The following ATR variants were observed in gnomAD, a reference collection of about 807,000 sequenced individuals.
The protein encoded by ATR is serine/threonine-protein kinase ATR.
In ATR, 142 loss-of-function variants were observed where a neutral mutation model predicts 305.3. The ratio of observed to expected loss-of-function variants is 0.47; its 90% CI spans 0.41 to 0.53. ATR has a LOEUF of 0.53. ATR is among the 20% of genes least tolerant of loss of function. The probability of loss-of-function intolerance (pLI) is 0.00; values close to 1 mark genes in which losing one functional copy is unlikely to be tolerated. For synonymous variants in ATR, 1,050 were observed against 1,068.1 expected (o/e 0.98, Z 0.33); for missense variants, 2,135 against 3,133.1 (o/e 0.68, Z 7.60).
chr3:142,474,618 T>C (rs1362832243), intron 36 of ATR, among the ~76,000 whole-genome samples: 2 of 152,228 alleles, frequency 1.3e-5, no homozygotes, highest in South Asian at 2.1e-4. Context: ...TTTGTTCTAA[T>C]AGTCTTTTAT....
At chr3:142,451,683 G>A in intron 46 of ATR, 1 of 1,198,082 alleles carries the variant, frequency 8.3e-7, no homozygotes, top group Middle Eastern at 3.3e-4. Context: ...GGGGTCAAGT[G>A]ATCCTCCCAC....
intron 8 of ATR, among the ~76,000 whole-genome samples, chr3:142,558,079 G>T (rs1275767492): frequency 6.6e-6 from 1 of 152,166 alleles, no homozygotes; most frequent in Non-Finnish European, 1.5e-5. Context: ...TTTACAAAAA[G>T]AAAGGAAATG....
intron 2 of ATR, 139 bp from the exon 3 acceptor site, chr3:142,566,400 C>T (rs2035073198): frequency 1.1e-6 from 1 of 915,052 alleles, no homozygotes. Context: ...GGGCGGATCA[C>T]CTGAGCCCAG....
At chr3:142,538,661 A>G in intron 18 of ATR, 36 bp from the exon 19 acceptor site, 1 of 1,610,830 alleles carries the variant, frequency 6.2e-7, no homozygotes. Context: ...AAGTCCAATT[A>G]CTTTTATTAT....
At chr3:142,486,959 C>CAAAAA (rs60024459) in intron 35 of ATR, among the ~76,000 whole-genome samples, 37 of 69,698 alleles carry the variant, frequency 5.3e-4, no homozygotes, top group South Asian at 1.3e-3. Context: ...ACTAAAAATA[C>CAAAAA]AAAAAAAAAA....
chr3:142,451,116 T>A, intron 46 of ATR: 4 of 1,264,822 alleles, frequency 3.2e-6, no homozygotes, highest in South Asian at 2.9e-5. Context: ...CCCCTGCTGC[T>A]CAGGTGTAAT....
intron 39 of ATR, among the ~76,000 whole-genome samples, chr3:142,467,111 A>G (rs2071148356): frequency 6.6e-6 from 1 of 152,296 alleles, no homozygotes; most frequent in African/African-American, 2.4e-5. Flanking sequence ...TGATAAAGGA[A>G]AGGTGAGAAA....
Position 142,522,835 on chromosome 3 carries a change from C to T in ATR, c.4159G>A (p.Val1387Ile), listed in dbSNP as rs2108396227. ...QGKDFTFVTG[V>I]EDSSFAYGLL... The stretch of plus-strand genomic sequence containing the variant: ...CCATAGGCAAAGCTTGAATCTTCTA[C>T]TCCAGTCTCAATCAGAAAAAAAAAA... Residue 1387 changes from valine to isoleucine, a missense_variant, in exon 23 of 47, where the codon GTA becomes ATA. Coordinates refer to ENST00000350721, the MANE Select transcript of ATR (RefSeq NM_001184.4). 1 of 1,605,746 alleles carries T rather than the reference C, an allele frequency of 6.2e-7. No individual in the cohort carries two copies.
At chr3:142,571,500 TAAATA>T (rs1398005953) in intron 1 of ATR, among the ~76,000 whole-genome samples, 2 of 144,794 alleles carry the variant, frequency 1.4e-5, no homozygotes, top group African/African-American at 5.5e-5. Flanking sequence ...AATAAATAAA[TAAATA>T]AATAATCAAA....
At chr3:142,575,380 A>C (rs1448445241) in intron 1 of ATR, among the ~76,000 whole-genome samples, 1 of 150,886 alleles carries the variant, frequency 6.6e-6, no homozygotes, top group Non-Finnish European at 1.5e-5. Context: ...CAGGAAAGGG[A>C]GGCTGAGACA....
At chr3:142,565,779 AAAC>A (rs2035051232) in intron 3 of ATR, among the ~76,000 whole-genome samples, 1 of 149,368 alleles carries the variant, frequency 6.7e-6, no homozygotes, top group Non-Finnish European at 1.5e-5. Flanking sequence ...CAAAACACCA[AAAC>A]TTTGTTCACA....
chr3:142,507,926 C>T lies in ATR; in HGVS notation c.5031+5G>A. On this transcript the variant is annotated splice_donor_5th_base_variant and intron_variant, in intron 28 of 46. Transcript: ENST00000350721. ...ATTATTAAATTCACTATATTAACTT[C>T]AGACCTGTAAAAATCCAAGATGTTC... 1 of 1,585,928 alleles carries T rather than the reference C, an allele frequency of 6.3e-7. No homozygotes were observed. Among genetic ancestry groups the T allele is most frequent in the Non-Finnish European group, 8.7e-7 (1 of 1,154,650 alleles).
intron 28 of ATR, among the ~76,000 whole-genome samples, chr3:142,505,663 T>A (rs2032199277): frequency 6.6e-6 from 1 of 152,182 alleles, no homozygotes; most frequent in South Asian, 2.1e-4. Flanking sequence ...AAAATGTAAA[T>A]AACCATTTTA....
rs141644744 is a variant in ATR at position 142,477,448 on chromosome 3, C to G, written c.6222-7265G>C. On this transcript the variant is annotated intron_variant, in intron 36 of 46. Transcript: ENST00000350721. The stretch of plus-strand genomic sequence containing the variant: ...TACATCCCAGGGATGAAGCCCACTT[C>G]ATCATGGTGGATAAGCTTTTTGATG... Among the ~76,000 whole-genome samples the G allele has an allele frequency of 9.3e-3, 1,422 of 152,206 alleles. 20 individuals carry two copies. The highest frequency in any genetic ancestry group is 0.031 in the African/African-American group (1,284 of 41,544).
chr3:142,553,625 T>C lies in ATR; in HGVS notation c.2633+15A>G. Reference sequence around the variant, plus strand: ...CAAAATAAATAAGGAAGAACACAAATGCTGCCAAGTATACCTTCCAATATC... The same window carrying C: ...CAAAATAAATAAGGAAGAACACAAACGCTGCCAAGTATACCTTCCAATATC... On this transcript the variant is annotated intron_variant, in intron 12 of 46. Transcript: ENST00000350721. 1 of 1,581,046 alleles carries C rather than the reference T, an allele frequency of 6.3e-7. No individual in the cohort carries two copies. Among genetic ancestry groups the C allele is most frequent in the Non-Finnish European group, 8.7e-7 (1 of 1,153,508 alleles).
intron 1 of ATR, among the ~76,000 whole-genome samples, chr3:142,576,727 T>C (rs1230289473): frequency 6.6e-6 from 1 of 152,172 alleles, no homozygotes; most frequent in Admixed American, 6.5e-5. Flanking sequence ...ATAGAAGACA[T>C]GATTTGGAGA....
At position 142,566,246 on chromosome 3, in the gene ATR, A is replaced by C. The variant is rs1482462998; in HGVS notation, c.167T>G (p.Val56Gly). The C allele has an allele frequency of 1.2e-6, 2 of 1,613,764 alleles. No individual in the cohort carries two copies. The highest frequency in any genetic ancestry group is 1.7e-6 in the Non-Finnish European group (2 of 1,179,632). Residue 56 changes from valine (V) to glycine (G), a missense_variant, in exon 3 of 47, where the codon GTA (valine) becomes GGA (glycine). By Grantham distance (109) the Val-to-Gly change is moderately radical. This residue lies in a region of ATR where 744 missense variants were observed against 873.2 expected (regional missense o/e 0.85). Transcript: ENST00000350721. The part of the protein sequence containing the change: ...TDVNVVAVEL[V>G]KKTDSQPTSV... ...GGTTGGCTGAGAGTCAGTTTTCTTTACAAGTTCTACAGCAACTAAAACAAT... is the reference window on the plus strand; with the variant it reads ...GGTTGGCTGAGAGTCAGTTTTCTTTCCAAGTTCTACAGCAACTAAAACAAT...
At chr3:142,545,220 TAGTA>T (rs1216524688) in intron 16 of ATR, among the ~76,000 whole-genome samples, 8 of 146,718 alleles carry the variant, frequency 5.5e-5, no homozygotes, top group Non-Finnish European at 9.2e-5. Flanking sequence ...ACTAAATAAG[TAGTA>T]AGTATGTAAA....
intron 8 of ATR, among the ~76,000 whole-genome samples, chr3:142,557,985 T>G (rs1233211024): frequency 6.6e-6 from 1 of 152,200 alleles, no homozygotes; most frequent in East Asian, 1.9e-4. Flanking sequence ...TTTGGTATAT[T>G]GTTCTTCTTT....
Sources: gnomAD v4.1 joint callset for allele counts (sites outside exome capture counted in the v4.1 genomes callset) on GRCh38, gnomAD v4.1.1 for gene constraint, gnomAD v4.1.1 regional missense constraint, MANE v1.5 for transcripts, NCBI Gene and HGNC (gene_info 2026-07-23, HGNC 2026-07-21) for gene names.